Variants in PPP1R12B observed in about 807,000 individuals in gnomAD.
The protein encoded by PPP1R12B is myosin phosphatase target subunit 2.
Under a neutral mutation model 126.1 loss-of-function variants are expected in PPP1R12B, and 76 were observed. The ratio of observed to expected loss-of-function variants is 0.60; its 90% CI spans 0.50 to 0.73. The LOEUF is 0.73. Ranked by LOEUF, PPP1R12B falls within the 30% of genes least tolerant of loss-of-function variation. The pLI, the probability that PPP1R12B is intolerant of heterozygous loss-of-function variation, is 0.00. For synonymous variants in PPP1R12B, 356 were observed against 434.7 expected (o/e 0.82, Z 2.25); for missense variants, 1,052 against 1,205.1 (o/e 0.87, Z 1.88).
rs560765161 is a variant in PPP1R12B, at chr1:202,395,482, C to G, written c.292-21305C>G. ...TTTTGCTATCAAATCATCCAACATT[C>G]ACTTGGGTGACTGTTCCTGAAAATG... On this transcript the variant is annotated intron_variant, in intron 1 of 23. Transcript: ENST00000608999. Among the ~76,000 whole-genome samples the G allele has an allele frequency of 2.0e-5, 3 of 152,312 alleles. No individual in the cohort carries two copies. In the South Asian group the frequency reaches 6.2e-4, roughly 32 times the overall value.
At chr1:202,443,224 C>A (rs1671847401) in intron 12 of PPP1R12B, 8 of 551,540 alleles carry the variant, frequency 1.5e-5, no homozygotes, top group African/African-American at 8.2e-5. Flanking sequence ...TTTGCCAGAG[C>A]CATTAAGCTA....
At chr1:202,413,739 T>C (rs1483380993) in intron 1 of PPP1R12B, among the ~76,000 whole-genome samples, 2 of 152,210 alleles carry the variant, frequency 1.3e-5, no homozygotes, top group Non-Finnish European at 2.9e-5. Context: ...GATATTGTTT[T>C]ACATTTTTAC....
chr1:202,475,827 T>C (rs1183502787), intron 13 of PPP1R12B, among the ~76,000 whole-genome samples: 2 of 151,752 alleles, frequency 1.3e-5, no homozygotes, highest in Non-Finnish European at 2.9e-5. Context: ...TAGCTATCCA[T>C]ATGTACTTCC....
intron 18 of PPP1R12B, among the ~76,000 whole-genome samples, chr1:202,512,793 C>T (rs1681682277): frequency 6.6e-6 from 1 of 152,060 alleles, no homozygotes. Context: ...CTGCCTCTTC[C>T]TCTCCCTACT....
intron 18 of PPP1R12B, chr1:202,540,220 C>G: frequency 6.2e-7 from 1 of 1,608,452 alleles, no homozygotes; most frequent in Non-Finnish European, 8.5e-7. Flanking sequence ...CATCTCCCTC[C>G]CCGACTGCCA....
At chr1:202,551,202 TA>T (rs1686280024) in intron 18 of PPP1R12B, among the ~76,000 whole-genome samples, 2 of 152,252 alleles carry the variant, frequency 1.3e-5, no homozygotes, top group Non-Finnish European at 2.9e-5. Flanking sequence ...GAAATATTTA[TA>T]ATATGAACTG....
intron 1 of PPP1R12B, among the ~76,000 whole-genome samples, chr1:202,389,452 G>A (rs1663730179): frequency 2.6e-5 from 4 of 152,020 alleles, no homozygotes; most frequent in African/African-American, 7.2e-5. Flanking sequence ...AGACCATCCT[G>A]GCTAACACGG....
At chr1:202,350,347 G>C (rs1300888894) in intron 1 of PPP1R12B, among the ~76,000 whole-genome samples, 1 of 152,104 alleles carries the variant, frequency 6.6e-6, no homozygotes, top group Non-Finnish European at 1.5e-5. Context: ...GTGAGTTTCA[G>C]CAGTGATCCT....
intron 3 of PPP1R12B, among the ~76,000 whole-genome samples, chr1:202,424,546 A>G (rs1444201736): frequency 6.6e-6 from 1 of 151,802 alleles, no homozygotes; most frequent in Non-Finnish European, 1.5e-5. Flanking sequence ...CTTGTCTCGA[A>G]CTCTGATCTC....
At chr1:202,559,165 G>C (rs111533065) in intron 19 of PPP1R12B, among the ~76,000 whole-genome samples, 6 of 152,120 alleles carry the variant, frequency 3.9e-5, no homozygotes, top group Admixed American at 2.6e-4. Context: ...AAGCACCAGC[G>C]TACCAGGCAC....
chr1:202,562,498 C>A, intron 19 of PPP1R12B: 1 of 474,002 alleles, frequency 2.1e-6, no homozygotes, highest in Non-Finnish European at 4.0e-6. Context: ...ATATGAAAAG[C>A]TCTTAAGATT....
chr1:202,427,765 C>T (rs958622726), intron 5 of PPP1R12B, among the ~76,000 whole-genome samples: 1 of 152,110 alleles, frequency 6.6e-6, no homozygotes, highest in Non-Finnish European at 1.5e-5. Context: ...CTGCCTCAGC[C>T]TCCTGAGTAG....
At chr1:202,418,896 C>T (rs942719579) in intron 2 of PPP1R12B, among the ~76,000 whole-genome samples, 6 of 151,906 alleles carry the variant, frequency 3.9e-5, no homozygotes, top group African/African-American at 1.2e-4. Flanking sequence ...AAGATCAGTC[C>T]GTGATGATCT....
intron 20 of PPP1R12B, among the ~76,000 whole-genome samples, chr1:202,563,264 G>T (rs1687709685): frequency 6.6e-6 from 1 of 152,126 alleles, no homozygotes; most frequent in South Asian, 2.1e-4. Flanking sequence ...CTATAGCCAT[G>T]CACCACCACA....
rs552215800 is a variant in PPP1R12B, at chr1:202,588,880, T to G, written c.*8320T>G. ...ATAGATAGATAGATAGATATCAAGG[T>G]TCCAAGCTTCAAGTAACCAAGAGTA... On this transcript the variant is annotated 3_prime_UTR_variant, in exon 24 of 24. Coordinates refer to ENST00000608999, the MANE Select transcript of PPP1R12B (RefSeq NM_002481.4). 46 of 150,856 alleles carry G rather than the reference T, an allele frequency of 3.0e-4. No individual in the cohort carries two copies. Among genetic ancestry groups the G allele is most frequent in the African/African-American group, 8.8e-4 (36 of 40,998 alleles). 9.3% of individuals were successfully genotyped at this position (150,856 alleles called of 1,614,324 possible).
chr1:202,351,162 A>G (rs1459124876), intron 1 of PPP1R12B, among the ~76,000 whole-genome samples: 1 of 151,932 alleles, frequency 6.6e-6, no homozygotes, highest in East Asian at 1.9e-4. Context: ...GAACATTACA[A>G]GTCAGTTTCC....
chr1:202,489,526 A>G (rs1558292258), intron 14 of PPP1R12B, among the ~76,000 whole-genome samples: 1 of 152,258 alleles, frequency 6.6e-6, no homozygotes, highest in Admixed American at 6.5e-5. Context: ...GGCAATAAAA[A>G]GAAATGAAGT....
At position 202,451,606 on chromosome 1, in the gene PPP1R12B, A is replaced by G. The variant is rs1320354061; in HGVS notation, c.1850+2435A>G. 4.6e-5 allele frequency among the ~76,000 whole-genome samples: 7 copies of G among 152,042 alleles called. 1 individual carries two copies. In the South Asian group the frequency reaches 1.5e-3, roughly 32 times the overall value. On this transcript the variant is annotated intron_variant, in intron 13 of 23. Transcript: ENST00000608999. ...GACACGGCAACCATCCGATTTCTCA[A>G]TCTTTTCCCCACCTTTCCCCCTTTT...
rs1291393822 is a variant in PPP1R12B at position 202,567,913 on chromosome 1, G to GA, written c.2811+87dup. The GA allele has an allele frequency of 2.7e-6, 4 of 1,508,096 alleles. No individual in the cohort carries two copies. The African/African-American group carries it at 5.6e-5, about 21-fold the overall frequency. 93.4% of individuals were successfully genotyped at this position (1,508,096 alleles called of 1,614,324 possible). ...TCCCACTTTGTTATTCATGCCAATG[G>GA]AAAAAGTCCATCTTAAGAAGGAGGG... On this transcript the variant is annotated intron_variant, in intron 22 of 23. Transcript: ENST00000608999.
Sources: allele counts gnomAD v4.1 joint callset (sites outside exome capture counted in the v4.1 genomes callset), GRCh38; gene constraint gnomAD v4.1.1; transcripts MANE v1.5; gene names NCBI Gene and HGNC (gene_info 2026-07-23, HGNC 2026-07-21).